The following ATP6V1C2 variants were observed in gnomAD, a reference collection of about 807,000 sequenced individuals.
ATP6V1C2 encodes the protein V-type proton ATPase subunit C 2.
A neutral mutation model predicts 56.8 loss-of-function variants in ATP6V1C2; 45 were observed. The ratio of observed to expected loss-of-function variants is 0.79; its 90% confidence interval spans 0.62 to 1.02. The LOEUF is 1.02. ATP6V1C2 is among the 50% of genes least tolerant of loss of function. The probability of loss-of-function intolerance (pLI) is 0.00; values close to 1 mark genes in which losing one functional copy is unlikely to be tolerated. For synonymous variants in ATP6V1C2, 220 were observed against 201.3 expected (o/e 1.09, Z -0.79); for missense variants, 463 against 519.7 (o/e 0.89, Z 1.06).
In ATP6V1C2 at chr2:10,769,056, C is replaced by T. The variant is rs375461891; in HGVS notation, c.470+246C>T. ...AGGATGTGGCCATGCTGCTCCTCAC[C>T]GCACGCTTCCATCTCCCAGCTTCTC... On this transcript the variant is annotated intron_variant, in intron 6 of 13. Coordinates refer to ENST00000272238, the MANE Select transcript of ATP6V1C2 (RefSeq NM_001039362.2). Among the ~76,000 whole-genome samples, 18 of 152,266 alleles carry T rather than the reference C, an allele frequency of 1.2e-4. 1 individual carries two copies. The East Asian group carries it at 2.1e-3, about 18-fold the overall frequency.
chr2:10,781,370 T>C (rs6722380), intron 12 of ATP6V1C2, among the ~76,000 whole-genome samples: 83,947 of 151,712 alleles, frequency 0.55, 23,472 homozygotes, highest in Middle Eastern at 0.6. Context: ...CCCAGCTACT[T>C]GGGAGGCTGA....
At position 10,726,595 on chromosome 2, in the gene ATP6V1C2, A is replaced by G. The variant is rs768154866; in HGVS notation, c.197+26A>G. The G allele has an allele frequency of 2.5e-6, 4 of 1,581,242 alleles. No homozygotes were observed. In the Admixed American group the frequency reaches 5.0e-5, roughly 20 times the overall value. ...GTAAAATATTCCTTATTTACTACAT[A>G]CAAGTGAGAATTTGACATTGTTGTC... On this transcript the variant is annotated intron_variant, in intron 3 of 13. Transcript: ENST00000272238.
chr2:10,776,054 CCTGT>C (rs772738558), intron 10 of ATP6V1C2, among the ~76,000 whole-genome samples: 32 of 152,184 alleles, frequency 2.1e-4, no homozygotes, highest in Non-Finnish European at 3.4e-4. Context: ...GGGGACCTGG[CCTGT>C]CTGTCAGCGA....
rs967658941 is a variant in ATP6V1C2, at chr2:10,763,074, T to C, written c.284-1257T>C. On this transcript the variant is annotated intron_variant, in intron 4 of 13. Transcript: ENST00000272238. The surrounding 1 kb of genome is among the most constrained non-coding windows in gnomAD (Gnocchi z 4.2). The stretch of plus-strand genomic sequence containing the variant: ...TCCAATTCCCGTGCTAGGGGCTGAG[T>C]GGGCGGGATCTAGTGTTGTTTTGGC... Among the ~76,000 whole-genome samples, 9 of 152,046 alleles carry C rather than the reference T, an allele frequency of 5.9e-5. No individual in the cohort carries two copies. Among genetic ancestry groups the C allele is most frequent in the African/African-American group, 2.2e-4 (9 of 41,396 alleles).
At chr2:10,726,705 C>T in intron 3 of ATP6V1C2, 136 bp downstream of exon 3, 2 of 776,322 alleles carry the variant, frequency 2.6e-6, no homozygotes, top group South Asian at 1.6e-5. Flanking sequence ...GAAAACCGAT[C>T]AGTCCCCCTG....
chr2:10,740,108 A>G (rs1034205836), intron 3 of ATP6V1C2, among the ~76,000 whole-genome samples: 3 of 151,946 alleles, frequency 2.0e-5, no homozygotes, highest in African/African-American at 7.3e-5. Context: ...AAAAAAGAAA[A>G]GAAAGTTGCA....
chr2:10,739,016 C>T (rs561898004), intron 3 of ATP6V1C2, among the ~76,000 whole-genome samples: 1 of 152,302 alleles, frequency 6.6e-6, no homozygotes, highest in African/African-American at 2.4e-5. Flanking sequence ...TTCATTTGCC[C>T]CACAGCAGCC....
rs148904841 is a variant in ATP6V1C2 at position 10,747,730 on chromosome 2, A to G, written c.198-6251A>G. On this transcript the variant is annotated intron_variant, in intron 3 of 13. Transcript: ENST00000272238. ...AAAAAAAAGCACACTTTCTACCAAA[A>G]TAAAATGTCATATTTTCTCAGATAA... is the stretch of plus-strand genomic sequence containing the variant. Among the ~76,000 whole-genome samples the G allele has an allele frequency of 1.8e-3, 276 of 152,290 alleles. 1 individual carries two copies. Among genetic ancestry groups the G allele is most frequent in the African/African-American group, 6.5e-3 (270 of 41,550 alleles).
intron 3 of ATP6V1C2, among the ~76,000 whole-genome samples, chr2:10,749,736 GTATT>G (rs1309251356): frequency 6.6e-6 from 1 of 152,098 alleles, no homozygotes; most frequent in African/African-American, 2.4e-5. Flanking sequence ...TTTTAAAAAT[GTATT>G]TATTTGTTTT....
intron 3 of ATP6V1C2, among the ~76,000 whole-genome samples, chr2:10,728,282 CTG>C (rs765257299): frequency 1.6e-4 from 24 of 152,118 alleles, no homozygotes; most frequent in Non-Finnish European, 2.9e-4. Flanking sequence ...CAAGGTCTCA[CTG>C]TGTTTCCCAG....
chr2:10,721,018 C>G (rs55928608), upstream of ATP6V1C2: 53,640 of 152,224 alleles, frequency 0.35, 10,155 homozygotes, highest in East Asian at 0.64. Context: ...ACCGCCCCCC[C>G]ACCCCCCATC....
At chr2:10,771,105 A>G (rs915647760) in intron 6 of ATP6V1C2, among the ~76,000 whole-genome samples, 1 of 152,208 alleles carries the variant, frequency 6.6e-6, no homozygotes, top group Non-Finnish European at 1.5e-5. Context: ...CAGGCAGGGG[A>G]CAGCAAAGAA....
chr2:10,766,189 A>G (rs72777381), intron 5 of ATP6V1C2, among the ~76,000 whole-genome samples: 25,670 of 152,152 alleles, frequency 0.17, 2,326 homozygotes, highest in Non-Finnish European at 0.2. Flanking sequence ...GACTGGCCCA[A>G]CCACAGGGAA....
chr2:10,771,997 C>A, intron 7 of ATP6V1C2, 60 bp downstream of exon 7: 1 of 1,468,580 alleles, frequency 6.8e-7, no homozygotes, highest in Non-Finnish European at 9.5e-7. Context: ...AAGGTGGACC[C>A]GTTGGTGACT....
At chr2:10,777,258 C>G (rs985661605) in intron 10 of ATP6V1C2, among the ~76,000 whole-genome samples, 6 of 152,214 alleles carry the variant, frequency 3.9e-5, no homozygotes, top group Non-Finnish European at 8.8e-5. Flanking sequence ...CTAACGCCTC[C>G]CGGTGCTGTC....
chr2:10,773,139 CT>C (rs944593599), intron 8 of ATP6V1C2, among the ~76,000 whole-genome samples: 2 of 152,166 alleles, frequency 1.3e-5, no homozygotes, highest in Non-Finnish European at 2.9e-5. Context: ...ATGCCAGGCC[CT>C]GTGTGTCAGG....
In ATP6V1C2 at chr2:10,777,196, T is replaced by G. The variant is rs116336222; in HGVS notation, c.826-389T>G. On this transcript the variant is annotated intron_variant, in intron 10 of 13. Transcript: ENST00000272238. ...GCCCCCCGAATGCCAGGAAGGCATC[T>G]GTGGCTGGGCATGGTGGAGCCACCT... 3.2e-3 allele frequency among the ~76,000 whole-genome samples: 481 copies of G among 152,320 alleles called. 3 individuals carry two copies. The highest frequency in any genetic ancestry group is 0.011 in the African/African-American group (438 of 41,578).
At chr2:10,753,852 C>G (rs978625987) in intron 3 of ATP6V1C2, 129 bp from the exon 4 acceptor site, 8 of 793,740 alleles carry the variant, frequency 1.0e-5, no homozygotes, top group Admixed American at 2.2e-5. Context: ...CATTTTAACC[C>G]TCTTCATACA....
chr2:10,772,757 T>C, intron 8 of ATP6V1C2, 147 bp downstream of exon 8: 2 of 738,772 alleles, frequency 2.7e-6, no homozygotes, highest in Non-Finnish European at 4.8e-6. Context: ...CCTGGAATTC[T>C]GTCAGGGTCG....
Sources: gnomAD v4.1 joint callset for allele counts (sites outside exome capture counted in the v4.1 genomes callset) on GRCh38, gnomAD v4.1.1 for gene constraint, Gnocchi (gnomAD v3.1) non-coding constraint, MANE v1.5 for transcripts, NCBI Gene and HGNC (gene_info 2026-07-23, HGNC 2026-07-21) for gene names.